Variants in DPY19L1 observed in about 807,000 individuals in gnomAD.
DPY19L1 encodes the protein dpy-19 like C-mannosyltransferase 1.
A neutral mutation model predicts 96.9 loss-of-function variants in DPY19L1; 35 were observed. That is an observed-to-expected ratio of 0.36 (90% CI 0.28 to 0.48). DPY19L1 has a LOEUF of 0.48. DPY19L1 is among the 20% of genes least tolerant of loss of function. The pLI is 0.99. For missense variants in DPY19L1, 521 were observed against 777.9 expected, an observed-to-expected ratio of 0.67 and a Z score of 3.93; for synonymous variants, 205 against 252.6, an observed-to-expected ratio of 0.81 and a Z score of 1.79.
Position 34,957,382 on chromosome 7 carries a change from AC to A in DPY19L1, c.1179+601del, listed in dbSNP as rs757411049. ...AAGAGTGAAACTCCACCTTAAAAAA[AC>A]AAAACAAAACAAACAAACAAAAAAA... is the stretch of plus-strand genomic sequence containing the variant. On this transcript the variant is annotated intron_variant, in intron 11 of 21. Coordinates refer to ENST00000638088, the MANE Select transcript of DPY19L1 (RefSeq NM_001366673.1). Among the ~76,000 whole-genome samples, 3 of 152,228 alleles carry A rather than the reference AC, an allele frequency of 2.0e-5. No individual in the cohort carries two copies. The South Asian group carries it at 6.2e-4, about 32-fold the overall frequency.
At chr7:34,954,434 T>C (rs1784330807) in intron 13 of DPY19L1, 2 of 226,688 alleles carry the variant, frequency 8.8e-6, no homozygotes, top group South Asian at 2.2e-4. Flanking sequence ...TAAAATTCGA[T>C]CTTTAATCTA....
Position 35,017,966 on chromosome 7 carries a change from G to C in DPY19L1, c.327C>G (p.Ser109Arg). 6.3e-7 allele frequency: 1 copy of C among 1,598,354 alleles called. No homozygotes were observed. The highest frequency in any genetic ancestry group is 8.5e-7 in the Non-Finnish European group (1 of 1,172,070). The change falls in exon 3 of 22, where the codon AGC (serine) becomes AGG (arginine). Residue 109 changes from serine (S) to arginine (R), a missense_variant. Physicochemically the swap from Ser to Arg is moderately radical, Grantham distance 110. Coordinates refer to ENST00000638088, the MANE Select transcript of DPY19L1 (RefSeq NM_001366673.1). ...LAVFAAVLHW[S>R]HITHLFENDR... ...CATTTTCAAAGAGGTGTGTTATATG[G>C]CTCCTGGAAAAACAAAACAAAGCAA...
At chr7:35,023,098 C>T (rs1786034054) in intron 1 of DPY19L1, among the ~76,000 whole-genome samples, 1 of 152,116 alleles carries the variant, frequency 6.6e-6, no homozygotes, top group Non-Finnish European at 1.5e-5. Context: ...CATGTCTGGC[C>T]GGTAGAGAGC....
upstream of DPY19L1, chr7:35,037,659 G>C: frequency 4.1e-6 from 1 of 245,980 alleles, no homozygotes; most frequent in Non-Finnish European, 6.6e-6. Flanking sequence ...CGGCGACCGC[G>C]GAACGCCGGG....
intron 6 of DPY19L1, among the ~76,000 whole-genome samples, chr7:35,006,279 T>C (rs548597938): frequency 2.0e-5 from 3 of 152,330 alleles, no homozygotes; most frequent in Non-Finnish European, 4.4e-5. Context: ...CACCATAACC[T>C]AGCTAACCCC....
At chr7:35,011,878 G>C (rs1785719639) in intron 4 of DPY19L1, among the ~76,000 whole-genome samples, 1 of 152,148 alleles carries the variant, frequency 6.6e-6, no homozygotes, top group Non-Finnish European at 1.5e-5. Context: ...AAACTAACAA[G>C]AAAATTAAAG....
At chr7:34,950,057 T>C (rs1262249089) in intron 13 of DPY19L1, among the ~76,000 whole-genome samples, 159 bp from the exon 14 acceptor site, 3 of 152,122 alleles carry the variant, frequency 2.0e-5, no homozygotes, top group Non-Finnish European at 4.4e-5. Context: ...ATCCTCCACC[T>C]TCACAGTTCC....
chr7:34,986,371 T>C (rs1330584480), intron 7 of DPY19L1, among the ~76,000 whole-genome samples: 2 of 152,076 alleles, frequency 1.3e-5, no homozygotes, highest in African/African-American at 4.8e-5. Flanking sequence ...CTTTCTACAA[T>C]GTATACATAA....
At chr7:34,937,869 A>G (rs1783904993) in intron 21 of DPY19L1, 125 bp downstream of exon 21, 1 of 999,870 alleles carries the variant, frequency 1.0e-6, no homozygotes, top group South Asian at 2.0e-5. Context: ...AAAAAAAAAG[A>G]AGAAGTTTTT....
At chr7:34,967,636 T>C (rs1430805389) in intron 9 of DPY19L1, among the ~76,000 whole-genome samples, 1 of 152,236 alleles carries the variant, frequency 6.6e-6, no homozygotes, top group Non-Finnish European at 1.5e-5. Flanking sequence ...TAGTATCTAT[T>C]ACATAGAGGT....
At chr7:34,939,198 A>T in intron 20 of DPY19L1, 78 bp downstream of exon 20, 1 of 1,269,252 alleles carries the variant, frequency 7.9e-7, no homozygotes, top group Non-Finnish European at 1.1e-6. Context: ...AACATTCCTT[A>T]TTACTTTGCT....
intron 7 of DPY19L1, among the ~76,000 whole-genome samples, chr7:34,988,623 A>C (rs1249709204): frequency 6.6e-6 from 1 of 152,124 alleles, no homozygotes; most frequent in African/African-American, 2.4e-5. Context: ...GATTACTGTT[A>C]TAGCACATGT....
chr7:34,937,779 C>G (rs1017307245), intron 21 of DPY19L1, among the ~76,000 whole-genome samples: 2 of 151,922 alleles, frequency 1.3e-5, no homozygotes, highest in African/African-American at 4.8e-5. Context: ...ACTAAAAATA[C>G]AAAAATTAAG....
At chr7:34,940,814 C>G (rs1440338026) in intron 18 of DPY19L1, 1 of 158,480 alleles carries the variant, frequency 6.3e-6, no homozygotes, top group Non-Finnish European at 1.5e-5. Flanking sequence ...ACAAAATCCA[C>G]AATTACTTTT....
chr7:34,990,571 T>C (rs774663124), intron 6 of DPY19L1, among the ~76,000 whole-genome samples: 1 of 152,224 alleles, frequency 6.6e-6, no homozygotes, highest in Non-Finnish European at 1.5e-5. Flanking sequence ...AACACAAATA[T>C]CAAAGTATGA....
At chr7:35,034,107 T>C (rs1037608737) in intron 1 of DPY19L1, among the ~76,000 whole-genome samples, 1 of 152,110 alleles carries the variant, frequency 6.6e-6, no homozygotes, top group Admixed American at 6.6e-5. Flanking sequence ...CAAACAGGAT[T>C]AATGCAAAGG....
chr7:34,964,293 T>C (rs1427791907), intron 10 of DPY19L1, among the ~76,000 whole-genome samples: 1 of 152,204 alleles, frequency 6.6e-6, no homozygotes, highest in Non-Finnish European at 1.5e-5. Flanking sequence ...TGTAATTTTA[T>C]AATTTTATAA....
At chr7:34,981,374 C>A (rs891606458) in intron 7 of DPY19L1, among the ~76,000 whole-genome samples, 5 of 152,090 alleles carry the variant, frequency 3.3e-5, no homozygotes, top group African/African-American at 1.2e-4. Flanking sequence ...TTTGCAATGG[C>A]TAATGTAATA....
At chr7:35,027,066 A>G (rs570887385) in intron 1 of DPY19L1, among the ~76,000 whole-genome samples, 22 of 152,234 alleles carry the variant, frequency 1.4e-4, no homozygotes, top group African/African-American at 4.1e-4. Flanking sequence ...GTGTGGTGGC[A>G]AGCACCTGTA....
Sources: gnomAD v4.1 joint callset for allele counts (sites outside exome capture counted in the v4.1 genomes callset) on GRCh38, gnomAD v4.1.1 for gene constraint, MANE v1.5 for transcripts, NCBI Gene and HGNC (gene_info 2026-07-23, HGNC 2026-07-21) for gene names.